Variants in EXO1 observed in about 807,000 individuals in gnomAD.
EXO1 encodes the protein exonuclease 1.
Under a neutral mutation model 84.5 loss-of-function variants are expected in EXO1, and 69 were observed. The observed-to-expected ratio is 0.82, with a 90% confidence interval of 0.67 to 1.00. The LOEUF is 1.00. Among genes scored for constraint, EXO1 ranks in the 50% least tolerant of loss-of-function variants. The pLI, the probability that EXO1 is intolerant of heterozygous loss-of-function variation, is 0.00. For missense variants in EXO1, 1,045 were observed against 1,000.7 expected, an observed-to-expected ratio of 1.04 and a Z score of -0.60; for synonymous variants, 373 against 366.1, an observed-to-expected ratio of 1.02 and a Z score of -0.21.
At chr1:241,881,406 T>C (rs754370841) in intron 13 of EXO1, among the ~76,000 whole-genome samples, 22 of 152,208 alleles carry the variant, frequency 1.4e-4, no homozygotes, top group Non-Finnish European at 2.8e-4. Flanking sequence ...AGAAGTCTTA[T>C]CTGATAGAAT....
intron 12 of EXO1, among the ~76,000 whole-genome samples, chr1:241,876,576 C>T (rs1304471243): frequency 1.3e-5 from 2 of 151,230 alleles, no homozygotes; most frequent in Non-Finnish European, 3.0e-5. Context: ...AGCGAGACTC[C>T]ATCTCAAAAA....
chr1:241,879,509 T>C (rs568406524), intron 13 of EXO1, among the ~76,000 whole-genome samples, 166 bp downstream of exon 13: 20 of 152,222 alleles, frequency 1.3e-4, no homozygotes, highest in Non-Finnish European at 2.8e-4. Context: ...TTGAAGGACT[T>C]CTCTGTATCT....
At chr1:241,875,576 C>G (rs1160452488) in intron 12 of EXO1, among the ~76,000 whole-genome samples, 3 of 152,188 alleles carry the variant, frequency 2.0e-5, no homozygotes, top group Non-Finnish European at 4.4e-5. Flanking sequence ...GAACAGTGTT[C>G]TAGATAATAT....
At chr1:241,855,973 C>A (rs551754435) in intron 6 of EXO1, among the ~76,000 whole-genome samples, 5 of 152,324 alleles carry the variant, frequency 3.3e-5, no homozygotes, top group African/African-American at 1.2e-4. Flanking sequence ...CCACACCTCC[C>A]TGTAAGCTGA....
chr1:241,849,860 A>G (rs1660555389), intron 3 of EXO1, among the ~76,000 whole-genome samples: 1 of 152,270 alleles, frequency 6.6e-6, no homozygotes, highest in Admixed American at 6.5e-5. Context: ...AAGACTAAAC[A>G]AACAATAAGC....
rs1270986266 is a variant in EXO1, at chr1:241,866,995, A to G, written c.1207A>G (p.Ile403Val). 2.5e-6 allele frequency: 4 copies of G among 1,613,954 alleles called. No homozygotes were observed. Among genetic ancestry groups the G allele is most frequent in the Non-Finnish European group, 3.4e-6 (4 of 1,179,954 alleles). Residue 403 changes from isoleucine (I) to valine (V), a missense_variant, in exon 11 of 16, where the codon ATT becomes GTT. By Grantham distance (29) the Ile-to-Val change is conservative. Coordinates refer to ENST00000366548, the MANE Select transcript of EXO1 (RefSeq NM_130398.4). ...AAGTACTGTGGGAGTGGAACGAGTG[A>G]TTAGTACTAAAGGGTTAAATCTCCC... ...NPSTVGVERV[I>V]STKGLNLPRK...
Position 241,885,502 on chromosome 1 carries a change from T to A in EXO1, c.2400T>A (p.Phe800Leu). The A allele has an allele frequency of 6.2e-7, 1 of 1,610,842 alleles. No individual in the cohort carries two copies. The stretch of plus-strand genomic sequence containing the variant: ...ATGAGCTCTGGAAAAACTTTGGATT[T>A]AAAAAGTGAGTTGCCTTGTTTCTTA... The part of the protein sequence containing the change: ...KLNELWKNFG[F>L]KKDSEKLPPC... The change falls in exon 15 of 16, where the codon TTT (phenylalanine) becomes TTA (leucine). Residue 800 changes from phenylalanine (F) to leucine (L), a missense_variant. Phe to Leu is a conservative substitution (Grantham distance 22). Coordinates refer to ENST00000366548, the MANE Select transcript of EXO1 (RefSeq NM_130398.4).
At position 241,876,494 on chromosome 1, in the gene EXO1, A is replaced by C. The variant is rs190191423; in HGVS notation, c.1515-2255A>C. Among the ~76,000 whole-genome samples, 83 of 152,158 alleles carry C rather than the reference A, an allele frequency of 5.5e-4. No homozygotes were observed. In the East Asian group the frequency reaches 0.011, roughly 21 times the overall value. On this transcript the variant is annotated intron_variant, in intron 12 of 15. Coordinates refer to ENST00000366548, the MANE Select transcript of EXO1 (RefSeq NM_130398.4). ...CTTCTCGGGGGGCCGAGGGAGGAGA[A>C]TAGCTTGAACCCAGGAGGAGGAGGT...
chr1:241,854,598 T>G (rs1465276259), intron 6 of EXO1: 3 of 152,400 alleles, frequency 2.0e-5, no homozygotes, highest in Admixed American at 6.5e-5. Context: ...AACGATGCGA[T>G]GCAGGACAGA....
At chr1:241,887,930 C>A (rs780649862) in intron 15 of EXO1, among the ~76,000 whole-genome samples, 10 of 152,118 alleles carry the variant, frequency 6.6e-5, no homozygotes, top group Non-Finnish European at 1.0e-4. Flanking sequence ...TGAGCCACCA[C>A]GCCTGGCCCC....
At chr1:241,888,920 C>A (rs1266962126) in intron 15 of EXO1, among the ~76,000 whole-genome samples, 1 of 151,820 alleles carries the variant, frequency 6.6e-6, no homozygotes, top group East Asian at 1.9e-4. Flanking sequence ...AGTAAAAATA[C>A]AAAAATTAGC....
At chr1:241,882,908 A>C (rs1662856575) in intron 14 of EXO1, among the ~76,000 whole-genome samples, 1 of 152,222 alleles carries the variant, frequency 6.6e-6, no homozygotes, top group Admixed American at 6.5e-5. Flanking sequence ...GAAAGAGTTC[A>C]AATAATTTAA....
In EXO1 at chr1:241,866,932, G is replaced by C; in HGVS notation, c.1144G>C (p.Gly382Arg). Residue 382 changes from glycine (G) to arginine (R), a missense_variant, in exon 11 of 16, where the codon GGT becomes CGT. Transcript: ENST00000366548. Reference protein sequence around the residue: ...HRNYSPRPESGTVSDAPQLKE... With the variant: ...HRNYSPRPESRTVSDAPQLKE... ...GAATTACTCTCCCAGACCAGAGTCGGGTACTGTTTCAGATGCCCCACAATT... is the reference window on the plus strand; with the variant it reads ...GAATTACTCTCCCAGACCAGAGTCGCGTACTGTTTCAGATGCCCCACAATT... The C allele has an allele frequency of 6.2e-7, 1 of 1,614,064 alleles. No homozygotes were observed. The highest frequency in any genetic ancestry group is 2.2e-5 in the East Asian group (1 of 44,876).
chr1:241,881,619 AC>A (rs1324853537), intron 13 of EXO1, among the ~76,000 whole-genome samples: 1 of 152,192 alleles, frequency 6.6e-6, no homozygotes, highest in African/African-American at 2.4e-5. Flanking sequence ...CAGCGTTTTT[AC>A]ATTAGGAGAC....
Position 241,879,107 on chromosome 1 carries a change from T to G in EXO1, c.1873T>G (p.Ser625Ala). ...LGDFSRTPSP[S>A]PSTALQQFRR... Reference sequence around the variant, plus strand: ...AGATTTTTCAAGAACGCCGAGCCCCTCTCCAAGCACAGCATTGCAGCAGTT... The same window carrying G: ...AGATTTTTCAAGAACGCCGAGCCCCGCTCCAAGCACAGCATTGCAGCAGTT... The change falls in exon 13 of 16, where the codon TCT (serine) becomes GCT (alanine). Residue 625 changes from serine (S) to alanine (A), a missense_variant. Coordinates refer to ENST00000366548, the MANE Select transcript of EXO1 (RefSeq NM_130398.4). 6.2e-7 allele frequency: 1 copy of G among 1,613,938 alleles called. No homozygotes were observed. Among genetic ancestry groups the G allele is most frequent in the South Asian group, 1.1e-5 (1 of 91,086 alleles).
intron 11 of EXO1, among the ~76,000 whole-genome samples, chr1:241,867,321 A>G (rs1193930441): frequency 6.6e-6 from 1 of 152,194 alleles, no homozygotes; most frequent in African/African-American, 2.4e-5. Flanking sequence ...CATGGTAGCA[A>G]ACGAGAAGAA....
rs113325720 is a variant in EXO1, at chr1:241,878,867, C to G, written c.1633C>G (p.Gln545Glu). ...NNLHESEYGD[Q>E]EGKRLVDTDV... ...TCTGCATGAATCAGAGTATGGAGAC[C>G]AAGAAGGCAAGAGACTGGTTGACAC... Residue 545 changes from glutamine to glutamate, a missense_variant, in exon 13 of 16, where the codon CAA becomes GAA. Coordinates refer to ENST00000366548, the MANE Select transcript of EXO1 (RefSeq NM_130398.4). The G allele has an allele frequency of 4.3e-6, 7 of 1,613,862 alleles. No individual in the cohort carries two copies. The African/African-American group carries it at 5.3e-5, about 12-fold the overall frequency.
Position 241,861,393 on chromosome 1 carries a change from C to G in EXO1, c.945-13C>G, listed in dbSNP as rs1661373055. ...GTTAATAAATACATTTTTCCTTAAT[C>G]TTGCTAATCTAGATATGTTGATGAT... On this transcript the variant is annotated splice_polypyrimidine_tract_variant and intron_variant, in intron 9 of 15. Coordinates refer to ENST00000366548, the MANE Select transcript of EXO1 (RefSeq NM_130398.4). 1.0e-5 allele frequency: 13 copies of G among 1,275,390 alleles called. No individual in the cohort carries two copies. The highest frequency in any genetic ancestry group is 1.5e-5 in the Non-Finnish European group (13 of 870,840). The allele number at this position is 1,275,390 out of a possible 1,614,324, so 79.0% of individuals were successfully genotyped here. A position where few individuals can be genotyped will look rare whatever the true frequency, so the allele number is the denominator to read the frequency against.
rs4149965 is a variant in EXO1, at chr1:241,872,136, G to A, written c.1372G>A (p.Val458Met). The change falls in exon 12 of 16, where the codon GTG becomes ATG. Residue 458 changes from valine to methionine, a missense_variant. By Grantham distance (21) the Val-to-Met change is conservative (BLOSUM62 1). Transcript: ENST00000366548. Reference protein sequence around the residue: ...EGNKSLSFSEVFVPDLVNGPT... With the variant: ...EGNKSLSFSEMFVPDLVNGPT... ...CAATAAATCATTGAGCTTTTCTGAA[G>A]TGTTTGTGCCTGACCTGGTAAATGG... 0.21 allele frequency: 345,857 copies of A among 1,612,902 alleles called. 41,084 individuals carry two copies. The highest frequency in any genetic ancestry group is 0.25 in the Non-Finnish European group (289,169 of 1,179,000).
Sources: gnomAD v4.1 joint callset for allele counts (sites outside exome capture counted in the v4.1 genomes callset) on GRCh38, gnomAD v4.1.1 for gene constraint, MANE v1.5 for transcripts, NCBI Gene and HGNC (gene_info 2026-07-23, HGNC 2026-07-21) for gene names.